KHDC1: variants seen among roughly 807,000 people sequenced by gnomAD.
KHDC1 encodes the protein KH homology domain-containing protein 1.
In KHDC1, 21 loss-of-function variants were observed where a neutral mutation model predicts 24.7. That is an observed-to-expected ratio of 0.85 (90% CI 0.60 to 1.23). The LOEUF (loss-of-function observed/expected upper bound fraction) is 1.23. Ranked by LOEUF, KHDC1 falls within the 50% of genes most tolerant of loss-of-function variation. The pLI is 0.00. For missense variants in KHDC1, 274 were observed against 298.5 expected (o/e 0.92, Z 0.61); for synonymous variants, 98 against 111.7 (o/e 0.88, Z 0.77).
intron 2 of KHDC1, among the ~76,000 whole-genome samples, chr6:73,272,856 C>CTTTTTTTTTTT (rs1158620688): frequency 7.4e-5 from 10 of 135,272 alleles, no homozygotes; most frequent in African/African-American, 1.8e-4. Context: ...CTTTTCTTTT[C>CTTTTTTTTTTT]TTTTTCTTTT....
At chr6:73,303,820 C>A (rs1427262037) in intron 1 of KHDC1, among the ~76,000 whole-genome samples, 1 of 152,098 alleles carries the variant, frequency 6.6e-6, no homozygotes, top group African/African-American at 2.4e-5. Context: ...TGAATTGTAT[C>A]CTAGAACAGA....
intron 2 of KHDC1, among the ~76,000 whole-genome samples, chr6:73,248,364 G>GTC (rs139528627): frequency 0.014 from 2,032 of 147,162 alleles, 40 homozygotes; most frequent in African/African-American, 0.047. Context: ...TTCTCTCTCT[G>GTC]TCTCTCTCTC....
At chr6:73,246,686 C>T (rs1219233898) in intron 2 of KHDC1, among the ~76,000 whole-genome samples, 2 of 152,096 alleles carry the variant, frequency 1.3e-5, no homozygotes, top group Non-Finnish European at 2.9e-5. Flanking sequence ...TTTAGAAGTA[C>T]ACATCATTTT....
At chr6:73,277,300 A>T (rs1339189134) in intron 2 of KHDC1, among the ~76,000 whole-genome samples, 1 of 152,150 alleles carries the variant, frequency 6.6e-6, no homozygotes. Flanking sequence ...CCCCATCTCT[A>T]CTAAAAATAC....
intron 2 of KHDC1, chr6:73,291,484 T>G (rs1767649613): frequency 5.8e-6 from 1 of 172,468 alleles, no homozygotes. Context: ...GTCTAAATTA[T>G]CCACTTTTTT....
At chr6:73,291,411 A>C (rs2150729447) in intron 2 of KHDC1, 1 of 176,698 alleles carries the variant, frequency 5.7e-6, no homozygotes, top group Non-Finnish European at 1.2e-5. Context: ...TTAAGCAGGA[A>C]ATTATGATCT....
chr6:73,251,001 T>C (rs1272423251), intron 2 of KHDC1, among the ~76,000 whole-genome samples: 2 of 152,040 alleles, frequency 1.3e-5, no homozygotes, highest in African/African-American at 4.8e-5. Context: ...ATTTTTGTAT[T>C]TTTAGTAGAG....
chr6:73,302,353 T>G (rs1314374963), intron 1 of KHDC1, among the ~76,000 whole-genome samples: 1 of 152,174 alleles, frequency 6.6e-6, no homozygotes, highest in Non-Finnish European at 1.5e-5. Context: ...CATGCATCAT[T>G]TAACAGGGAT....
At chr6:73,299,819 T>A (rs990691150) in intron 1 of KHDC1, 3 of 152,126 alleles carry the variant, frequency 2.0e-5, no homozygotes, top group Non-Finnish European at 4.4e-5. Flanking sequence ...CGCGGTGTGG[T>A]CTAGGCGGAG....
chr6:73,267,840 C>CT (rs34782009), intron 2 of KHDC1, among the ~76,000 whole-genome samples: 41,318 of 148,110 alleles, frequency 0.28, 6,212 homozygotes, highest in African/African-American at 0.41. Flanking sequence ...ATTATTCAGC[C>CT]TTTTTTTTTT....
intron 2 of KHDC1, among the ~76,000 whole-genome samples, chr6:73,260,093 T>A (rs988246099): frequency 6.6e-6 from 1 of 152,180 alleles, no homozygotes; most frequent in African/African-American, 2.4e-5. Flanking sequence ...CATAGCCCCC[T>A]CCTTTCCAGC....
intron 2 of KHDC1, among the ~76,000 whole-genome samples, chr6:73,242,823 T>C (rs576458431): frequency 6.6e-6 from 1 of 152,240 alleles, no homozygotes; most frequent in South Asian, 2.1e-4. Flanking sequence ...TTGGAGCAGA[T>C]CTACTGGGTA....
intron 2 of KHDC1, chr6:73,291,228 A>G (rs906907719): frequency 1.8e-5 from 8 of 433,210 alleles, no homozygotes; most frequent in African/African-American, 1.6e-4. Context: ...TCCACTGCTC[A>G]GACCACTGAA....
intron 1 of KHDC1, among the ~76,000 whole-genome samples, chr6:73,295,320 C>T (rs1490616849): frequency 1.3e-5 from 2 of 152,184 alleles, no homozygotes; most frequent in East Asian, 1.9e-4. Flanking sequence ...CCTGTACATC[C>T]TGCAGACTCG....
At chr6:73,265,528 C>CAAAAAAAAAAA (rs70994179) in intron 2 of KHDC1, among the ~76,000 whole-genome samples, 2 of 74,502 alleles carry the variant, frequency 2.7e-5, no homozygotes, top group East Asian at 7.4e-4. Context: ...GACTCCGTCT[C>CAAAAAAAAAAA]AAAAAAAAAA....
chr6:73,242,416 C>T, exon 3 of KHDC1: 1 of 1,614,198 alleles, frequency 6.2e-7, no homozygotes, highest in Non-Finnish European at 8.5e-7. Context: ...CGAAGATGAG[C>T]TCCTCCTGGT....
intron 2 of KHDC1, chr6:73,274,887 G>T (rs1767251846): frequency 6.6e-6 from 1 of 152,368 alleles, no homozygotes; most frequent in South Asian, 2.1e-4. Flanking sequence ...GCTGGAGATG[G>T]GATCTGTGCA....
At chr6:73,277,723 T>C (rs986709370) in intron 2 of KHDC1, among the ~76,000 whole-genome samples, 1 of 151,986 alleles carries the variant, frequency 6.6e-6, no homozygotes, top group South Asian at 2.1e-4. Flanking sequence ...CATGTTGGCA[T>C]GTACCTATAT....
chr6:73,298,058 G>A (rs1767791381), intron 1 of KHDC1, among the ~76,000 whole-genome samples: 1 of 152,048 alleles, frequency 6.6e-6, no homozygotes, highest in Admixed American at 6.6e-5. Flanking sequence ...GGGCATGGTG[G>A]GGCATGCCCG....
Sources: allele counts gnomAD v4.1 joint callset (sites outside exome capture counted in the v4.1 genomes callset), GRCh38; gene constraint gnomAD v4.1.1; transcripts MANE v1.5; gene names NCBI Gene and HGNC (gene_info 2026-07-23, HGNC 2026-07-21).